PRXL2A: variants seen among roughly 807,000 people sequenced by gnomAD.
PRXL2A encodes peroxiredoxin-like 2A.
In PRXL2A, 26 loss-of-function variants were observed where a neutral mutation model predicts 25.6. The ratio of observed to expected loss-of-function variants is 1.02; its 90% confidence interval spans 0.74 to 1.41. PRXL2A has a LOEUF of 1.41. Among genes scored for constraint, PRXL2A ranks in the 40% most tolerant of loss-of-function variants. PRXL2A has a pLI of 0.00. For synonymous variants in PRXL2A, 98 were observed against 102.9 expected (o/e 0.95, Z 0.29); for missense variants, 246 against 273.9 (o/e 0.90, Z 0.72).
intron 1 of PRXL2A, chr10:80,408,925 G>C (rs1446789110): frequency 3.6e-6 from 2 of 549,920 alleles, no homozygotes; most frequent in Non-Finnish European, 4.6e-6. Context: ...TGCTGCGGCG[G>C]GCTAGGGCCC....
intron 1 of PRXL2A, among the ~76,000 whole-genome samples, chr10:80,411,548 G>A (rs1359880659): frequency 6.6e-6 from 1 of 152,230 alleles, no homozygotes; most frequent in African/African-American, 2.4e-5. Flanking sequence ...GAAGTTGGGA[G>A]ACCCAAACCT....
chr10:80,412,892 C>T lies in PRXL2A; in HGVS notation c.-3+4249C>T, dbSNP rs79252266. ...TAATCAGGTGGGGGTGTGCTGGGAT[C>T]GCTCTGACTACGGCTTGGAAAATAA... On this transcript the variant is annotated intron_variant, in intron 1 of 5. Coordinates refer to ENST00000606162, the MANE Select transcript of PRXL2A (RefSeq NM_032333.5). Among the ~76,000 whole-genome samples the T allele has an allele frequency of 7.9e-4, 121 of 152,202 alleles. 1 individual carries two copies. The highest frequency in any genetic ancestry group is 2.8e-3 in the African/African-American group (116 of 41,496).
At chr10:80,413,636 C>T (rs891438156) in intron 1 of PRXL2A, among the ~76,000 whole-genome samples, 2 of 152,158 alleles carry the variant, frequency 1.3e-5, no homozygotes, top group Admixed American at 1.3e-4. Flanking sequence ...AAGCTTTGCT[C>T]AACTTTTTGA....
At chr10:80,415,562 T>C (rs1481593464) in intron 1 of PRXL2A, among the ~76,000 whole-genome samples, 1 of 152,242 alleles carries the variant, frequency 6.6e-6, no homozygotes, top group Non-Finnish European at 1.5e-5. Context: ...CTGGCTGTTA[T>C]TCCTGCACCA....
chr10:80,430,113 T>TTC (rs1258494651), intron 5 of PRXL2A, among the ~76,000 whole-genome samples: 1 of 96,870 alleles, frequency 1.0e-5, no homozygotes, highest in Non-Finnish European at 2.0e-5. Flanking sequence ...TTTTTTTTTT[T>TTC]TCTGGAGACA....
chr10:80,420,373 G>A, intron 1 of PRXL2A, 93 bp from the exon 2 acceptor site: 1 of 1,501,346 alleles, frequency 6.7e-7, no homozygotes, highest in Non-Finnish European at 8.9e-7. Flanking sequence ...CTGACCTCCT[G>A]GTTGGCTGTC....
rs1197149549 is a variant in PRXL2A at position 80,425,879 on chromosome 10, T to C, written c.284T>C (p.Leu95Pro). ...TGTCTTCTACAGGAAGCTGCGGATCTGTCCTCCCTGAAAAGCATGTTGGAC... is the reference window on the plus strand; with the variant it reads ...TGTCTTCTACAGGAAGCTGCGGATCCGTCCTCCCTGAAAAGCATGTTGGAC... ...CFLCREEAAD[L>P]SSLKSMLDQL... The change falls in exon 4 of 6, where the codon CTG (leucine) becomes CCG (proline). Residue 95 changes from leucine to proline, a missense_variant. Transcript: ENST00000606162. 6.2e-7 allele frequency: 1 copy of C among 1,614,260 alleles called. No individual in the cohort carries two copies. The highest frequency in any genetic ancestry group is 8.5e-7 in the Non-Finnish European group (1 of 1,180,046).
intron 1 of PRXL2A, among the ~76,000 whole-genome samples, chr10:80,418,444 C>G (rs1844743911): frequency 6.6e-6 from 1 of 152,248 alleles, no homozygotes; most frequent in Non-Finnish European, 1.5e-5. Flanking sequence ...AAAGTCACCA[C>G]CAACTCACTC....
At chr10:80,417,082 A>G (rs1236896824) in intron 1 of PRXL2A, among the ~76,000 whole-genome samples, 1 of 152,228 alleles carries the variant, frequency 6.6e-6, no homozygotes, top group African/African-American at 2.4e-5. Flanking sequence ...TACCTGGTTT[A>G]GGAAGGGGAG....
chr10:80,429,666 C>T (rs1845180732), intron 5 of PRXL2A, among the ~76,000 whole-genome samples: 1 of 150,872 alleles, frequency 6.6e-6, no homozygotes, highest in East Asian at 1.9e-4. Flanking sequence ...CCTTCCCTGC[C>T]CCTAGCCTCT....
rs762775151 is a variant in PRXL2A, at chr10:80,427,382, C to T, written c.462C>T (p.Ile154=). ...GGAAGATGATGTTTATGGGATTTAT[C>T]CGTCTGGGAGTGTGGTACAACTTCT... ...QRRKMMFMGF[I]RLGVWYNFFR... Residue 154 remains isoleucine, a synonymous_variant, in exon 5 of 6, where the codon ATC becomes ATT. Transcript: ENST00000606162. The T allele has an allele frequency of 1.9e-6, 3 of 1,614,114 alleles. No individual in the cohort carries two copies. The South Asian group carries it at 3.3e-5, about 18-fold the overall frequency.
chr10:80,423,775 G>A (rs7898568), intron 3 of PRXL2A, among the ~76,000 whole-genome samples: 51,166 of 152,172 alleles, frequency 0.34, 11,822 homozygotes, highest in African/African-American at 0.65. Context: ...TTAATTTTCT[G>A]TTGCTGTAAC....
rs368959911 is a variant in PRXL2A at position 80,426,024 on chromosome 10, C to T, written c.411+18C>T. 1.6e-5 allele frequency: 26 copies of T among 1,613,758 alleles called. No individual in the cohort carries two copies. In the African/African-American group the frequency reaches 3.2e-4, roughly 20 times the overall value. ...ATGAAAAGGTGTGTGTGATGGGAGG[C>T]TTTTAGACACAGACTGCTGGGGATT... is the stretch of plus-strand genomic sequence containing the variant. On this transcript the variant is annotated intron_variant, in intron 4 of 5. Coordinates refer to ENST00000606162, the MANE Select transcript of PRXL2A (RefSeq NM_032333.5).
At chr10:80,422,536 G>T in intron 3 of PRXL2A, 28 bp downstream of exon 3, 1 of 1,583,670 alleles carries the variant, frequency 6.3e-7, no homozygotes, top group Non-Finnish European at 8.7e-7. Flanking sequence ...TCTATTCAGA[G>T]AAAGGGATCC....
At chr10:80,425,344 G>A (rs757337516) in intron 3 of PRXL2A, among the ~76,000 whole-genome samples, 24 of 152,136 alleles carry the variant, frequency 1.6e-4, no homozygotes, top group Non-Finnish European at 2.6e-4. Context: ...AGGCACTGAG[G>A]GTTCCAAGAA....
At chr10:80,420,253 C>T (rs948628574) in intron 1 of PRXL2A, 9 of 1,250,688 alleles carry the variant, frequency 7.2e-6, no homozygotes, top group South Asian at 5.5e-5. Context: ...GTGAGCTCCA[C>T]GGTGCAGGAA....
intron 1 of PRXL2A, among the ~76,000 whole-genome samples, chr10:80,415,907 T>G (rs1844644484): frequency 6.6e-6 from 1 of 152,204 alleles, no homozygotes; most frequent in African/African-American, 2.4e-5. Flanking sequence ...TGCACTGATG[T>G]GTCCTAGGAG....
intron 1 of PRXL2A, among the ~76,000 whole-genome samples, chr10:80,417,283 A>T (rs916503548): frequency 3.9e-5 from 6 of 152,234 alleles, no homozygotes; most frequent in Admixed American, 3.3e-4. Flanking sequence ...TCAAGGCTTT[A>T]TGTTGTTATC....
intron 1 of PRXL2A, among the ~76,000 whole-genome samples, chr10:80,417,903 C>T (rs1325439489): frequency 2.0e-5 from 3 of 151,824 alleles, no homozygotes; most frequent in African/African-American, 7.3e-5. Context: ...AGACAGGGTC[C>T]TCCCATGTTG....
Sources: gnomAD v4.1 joint callset for allele counts (sites outside exome capture counted in the v4.1 genomes callset) on GRCh38, gnomAD v4.1.1 for gene constraint, MANE v1.5 for transcripts, NCBI Gene and HGNC (gene_info 2026-07-23, HGNC 2026-07-21) for gene names.